Variants in NEMP2 observed in about 807,000 individuals in gnomAD.
The protein encoded by NEMP2 is UPF0571 transmembrane protein.
A neutral mutation model predicts 54.2 loss-of-function variants in NEMP2; 53 were observed. The ratio of observed to expected loss-of-function variants is 0.98; its 90% CI spans 0.78 to 1.23. The LOEUF is 1.23. Among genes scored for constraint, NEMP2 ranks in the 50% most tolerant of loss-of-function variants. The pLI is 0.00. For synonymous variants in NEMP2, 197 were observed against 190.3 expected (o/e 1.04, Z -0.29); for missense variants, 455 against 511.3 (o/e 0.89, Z 1.06).
the NEMP2 span, among the ~76,000 whole-genome samples, chr2:190,564,545 A>G: frequency 2.0e-5 from 3 of 152,340 alleles, no homozygotes; most frequent in African/African-American, 7.2e-5. This position sits in a 1 kb window ranked among gnomAD's most constrained non-coding sequence, Gnocchi z 4.2. Flanking sequence ...CTCTTGAATC[A>G]TATTTAATCT....
At chr2:190,433,129 GGTGT>G in the NEMP2 span, among the ~76,000 whole-genome samples, 8 of 151,798 alleles carry the variant, frequency 5.3e-5, no homozygotes, top group African/African-American at 1.9e-4. The surrounding 1 kb of genome is among the most constrained non-coding windows in gnomAD (Gnocchi z 4.5). Context: ...TGTATGTTTG[GGTGT>G]GTGTGTGTTT....
chr2:190,443,925 G>T, the NEMP2 span, among the ~76,000 whole-genome samples: 1 of 152,092 alleles, frequency 6.6e-6, no homozygotes, highest in Non-Finnish European at 1.5e-5. The surrounding 1 kb of genome is among the most constrained non-coding windows in gnomAD (Gnocchi z 4.2). Flanking sequence ...GGTGTCACAC[G>T]CCTGTAGTCC....
chr2:190,452,212 GC>G, the NEMP2 span, among the ~76,000 whole-genome samples: 27 of 151,998 alleles, frequency 1.8e-4, no homozygotes, highest in South Asian at 1.2e-3. Flanking sequence ...CCGAGATTGC[GC>G]CACTGCACTC....
At chr2:190,461,603 T>C in the NEMP2 span, among the ~76,000 whole-genome samples, 1 of 152,154 alleles carries the variant, frequency 6.6e-6, no homozygotes, top group African/African-American at 2.4e-5. The surrounding 1 kb of genome is among the most constrained non-coding windows in gnomAD (Gnocchi z 5.5). Flanking sequence ...AAGGCCTCGT[T>C]CTCTGCCTCC....
At chr2:190,458,378 C>T in the NEMP2 span, among the ~76,000 whole-genome samples, 3 of 152,062 alleles carry the variant, frequency 2.0e-5, no homozygotes, top group African/African-American at 7.2e-5. The surrounding 1 kb of genome is among the most constrained non-coding windows in gnomAD (Gnocchi z 5.3). Context: ...GGAAGATAGG[C>T]GATGACACAG....
chr2:190,637,384 T>C, the NEMP2 span, among the ~76,000 whole-genome samples: 1 of 152,224 alleles, frequency 6.6e-6, no homozygotes, highest in African/African-American at 2.4e-5. The surrounding 1 kb of genome is among the most constrained non-coding windows in gnomAD (Gnocchi z 4.5). Flanking sequence ...TCACTGGTGC[T>C]GAGAACTACA....
rs1031106549 is a variant in NEMP2, at chr2:190,523,487, A to C, written c.213+1776T>G. 6.6e-6 allele frequency among the ~76,000 whole-genome samples: 1 copy of C among 152,190 alleles called. No homozygotes were observed. The highest frequency in any genetic ancestry group is 2.4e-5 in the African/African-American group (1 of 41,456). On this transcript the variant is annotated intron_variant, in intron 2 of 8. Transcript: ENST00000409150. The surrounding 1 kb of genome is among the most constrained non-coding windows in gnomAD (Gnocchi z 5.3). ...AACCCTGTGGTATTGGAGATCTCAG[A>C]ACTCACGGTTTCTAATAGGTAGATA...
At chr2:190,435,729 T>TG in the NEMP2 span, among the ~76,000 whole-genome samples, 2 of 152,234 alleles carry the variant, frequency 1.3e-5, no homozygotes, top group African/African-American at 4.8e-5. Context: ...AGACTGGGAA[T>TG]GAATCTGAGC....
At chr2:190,518,683 G>T in intron 4 of NEMP2, 53 bp downstream of exon 4, 1 of 1,368,534 alleles carries the variant, frequency 7.3e-7, no homozygotes, top group South Asian at 1.4e-5. Context: ...GGTCAAAAAT[G>T]ATCTAAATCC....
chr2:190,532,866 A>G (rs1691199162), intron 1 of NEMP2, among the ~76,000 whole-genome samples: 1 of 152,212 alleles, frequency 6.6e-6, no homozygotes, highest in Non-Finnish European at 1.5e-5. Context: ...CGTATTGGAA[A>G]GCCTACCGGA....
the NEMP2 span, among the ~76,000 whole-genome samples, chr2:190,569,030 G>A: frequency 6.6e-6 from 1 of 152,130 alleles, no homozygotes; most frequent in Non-Finnish European, 1.5e-5. Flanking sequence ...AAAAGAAACA[G>A]CTGAGGCCAG....
At chr2:190,503,964 A>C (rs1690123459), downstream of NEMP2, among the ~76,000 whole-genome samples, 1 of 152,128 alleles carries the variant, frequency 6.6e-6, no homozygotes, top group African/African-American at 2.4e-5. The surrounding 1 kb of genome is among the most constrained non-coding windows in gnomAD (Gnocchi z 6.3). Context: ...TGTGTACCTA[A>C]CTCTCAACCA....
the NEMP2 span, among the ~76,000 whole-genome samples, chr2:190,647,036 G>A: frequency 6.6e-6 from 1 of 152,150 alleles, no homozygotes. Flanking sequence ...CACCAACCAA[G>A]AAATTGCCTA....
chr2:190,436,119 C>T, the NEMP2 span: 31 of 1,614,166 alleles, frequency 1.9e-5, no homozygotes, highest in African/African-American at 3.9e-4. The surrounding 1 kb of genome is among the most constrained non-coding windows in gnomAD (Gnocchi z 5.3). Context: ...ATGGTATTTC[C>T]AGGGAACCAG....
the NEMP2 span, among the ~76,000 whole-genome samples, chr2:190,579,937 G>A: frequency 1.3e-5 from 2 of 152,224 alleles, no homozygotes; most frequent in Non-Finnish European, 2.9e-5. Context: ...CCAGGTCTCC[G>A]TTTGAGAGAT....
chr2:190,534,402 G>C (rs13412823), intron 1 of NEMP2, 157 bp downstream of exon 1: 229,012 of 1,210,790 alleles, frequency 0.19, 22,127 homozygotes, highest in Middle Eastern at 0.24. Context: ...GGAAGGGCGG[G>C]CGGGGCCTGC....
the NEMP2 span, chr2:190,607,528 C>T: frequency 6.6e-6 from 1 of 152,180 alleles, no homozygotes; most frequent in Non-Finnish European, 1.5e-5. This position sits in a 1 kb window ranked among gnomAD's most constrained non-coding sequence, Gnocchi z 5.2. Flanking sequence ...ACAGTCTAGC[C>T]CCTGAAATCA....
chr2:190,640,279 A>C, the NEMP2 span, among the ~76,000 whole-genome samples: 1 of 152,206 alleles, frequency 6.6e-6, no homozygotes, highest in African/African-American at 2.4e-5. Context: ...TTGTTGGCTG[A>C]AATCATATGG....
At chr2:190,540,158 G>C in the NEMP2 span, among the ~76,000 whole-genome samples, 2 of 152,140 alleles carry the variant, frequency 1.3e-5, no homozygotes, top group Non-Finnish European at 2.9e-5. Context: ...TGTTTTTCCA[G>C]CATGTATTGG....
Sources: gnomAD v4.1 joint callset for allele counts (sites outside exome capture counted in the v4.1 genomes callset) on GRCh38, gnomAD v4.1.1 for gene constraint, Gnocchi (gnomAD v3.1) non-coding constraint, MANE v1.5 for transcripts, NCBI Gene and HGNC (gene_info 2026-07-23, HGNC 2026-07-21) for gene names.